The following METTL16 variants were observed in gnomAD, a reference collection of about 807,000 sequenced individuals.
The protein encoded by METTL16 is RNA N(6)-adenosine-methyltransferase METTL16.
A neutral mutation model predicts 57.9 loss-of-function variants in METTL16; 19 were observed. The ratio of observed to expected loss-of-function variants is 0.33; its 90% CI spans 0.23 to 0.48. METTL16 has a LOEUF of 0.48. METTL16 is among the 20% of genes least tolerant of loss of function. The pLI, the probability that METTL16 is intolerant of heterozygous loss-of-function variation, is 0.99. For synonymous variants in METTL16, 246 were observed against 255.6 expected (o/e 0.96, Z 0.36); for missense variants, 434 against 691.5 (o/e 0.63, Z 4.18).
chr17:2,448,801 T>TAAAAAAAAAAAAAAA (rs1567889993), intron 6 of METTL16, among the ~76,000 whole-genome samples: 1 of 47,420 alleles, frequency 2.1e-5, no homozygotes, highest in African/African-American at 1.9e-4. Context: ...AAAATAAAAT[T>TAAAAAAAAAAAAAAA]TAAAAAAAAA....
At chr17:2,451,195 T>C (rs1175515210) in intron 6 of METTL16, among the ~76,000 whole-genome samples, 3 of 152,186 alleles carry the variant, frequency 2.0e-5, no homozygotes, top group African/African-American at 7.2e-5. Context: ...CAATCCTTTT[T>C]CCCTTTGAAA....
intron 6 of METTL16, among the ~76,000 whole-genome samples, chr17:2,444,767 G>A (rs540158895): frequency 7.0e-4 from 104 of 148,104 alleles, no homozygotes; most frequent in African/African-American, 2.4e-3. Context: ...AGGCTGCAGT[G>A]CAGTGGCGTG....
intron 5 of METTL16, among the ~76,000 whole-genome samples, chr17:2,465,371 A>G (rs939502747): frequency 6.6e-5 from 10 of 151,204 alleles, no homozygotes; most frequent in African/African-American, 1.7e-4. Flanking sequence ...GTGAAACCCC[A>G]TCTCTACTAA....
rs2067277624 is a variant in METTL16, at chr17:2,477,667, A to C, written c.328+19T>G. 6.3e-7 allele frequency: 1 copy of C among 1,584,034 alleles called. No individual in the cohort carries two copies. The highest frequency in any genetic ancestry group is 8.7e-7 in the Non-Finnish European group (1 of 1,154,386). ...CTTATGAAAACTGTTTAGCCAAAAA[A>C]GAATTTAAAATGATATACCTATGTC... On this transcript the variant is annotated intron_variant, in intron 3 of 9. Coordinates refer to ENST00000263092, the MANE Select transcript of METTL16 (RefSeq NM_024086.4).
Position 2,426,173 on chromosome 17 carries a change from A to G in METTL16, c.889-5269T>C, listed in dbSNP as rs115121581. ...TGTTTTGGCAAAGCAGCTTCTAGAA[A>G]AACCTCAAGTGGAAAGGGGACAGGG... On this transcript the variant is annotated intron_variant, in intron 8 of 9. Coordinates refer to ENST00000263092, the MANE Select transcript of METTL16 (RefSeq NM_024086.4). 5.5e-3 allele frequency among the ~76,000 whole-genome samples: 843 copies of G among 152,262 alleles called. 10 individuals carry two copies. The highest frequency in any genetic ancestry group is 0.02 in the African/African-American group (814 of 41,562).
rs568917892 is a variant in METTL16 at position 2,461,553 on chromosome 17, C to A, written c.728+2655G>T. Among the ~76,000 whole-genome samples, 5 of 149,470 alleles carry A rather than the reference C, an allele frequency of 3.3e-5. No individual in the cohort carries two copies. In the East Asian group the frequency reaches 9.9e-4, roughly 29 times the overall value. ...AAGACCCTGTTTCTGAGGATGTTTT[C>A]ATTTCTGAGGATGTTCTCCTGTCTT... On this transcript the variant is annotated intron_variant, in intron 6 of 9. Coordinates refer to ENST00000263092, the MANE Select transcript of METTL16 (RefSeq NM_024086.4).
intron 3 of METTL16, among the ~76,000 whole-genome samples, chr17:2,475,083 A>G (rs1413528197): frequency 2.6e-5 from 4 of 152,144 alleles, no homozygotes; most frequent in African/African-American, 7.2e-5. Context: ...CCTTGTAAGG[A>G]TTTGCCAGGA....
rs59854056 is a variant in METTL16 at position 2,417,058 on chromosome 17, C to CTTTTTTTTTTTTTTTTTTTTTTTTTTTT, written c.*2911_*2912insAAAAAAAAAAAAAAAAAAAAAAAAAAAA. On this transcript the variant is annotated 3_prime_UTR_variant, in exon 10 of 10. Transcript: ENST00000263092. ...TGAAAGCTGGCCTGCTCATGGGTTC[C>CTTTTTTTTTTTTTTTTTTTTTTTTTTTT]TTTTTTTTTTTTTTTTTTTTTTTTT... The CTTTTTTTTTTTTTTTTTTTTTTTTTTTT allele has an allele frequency of 1.1e-4, 7 of 61,528 alleles. 3 individuals are homozygous for CTTTTTTTTTTTTTTTTTTTTTTTTTTTT. The East Asian group carries it at 3.1e-3, about 28-fold the overall frequency. 3.8% of individuals were successfully genotyped at this position (61,528 alleles called of 1,614,324 possible).
intron 8 of METTL16, among the ~76,000 whole-genome samples, chr17:2,428,195 T>C (rs1318740182): frequency 1.3e-5 from 2 of 151,920 alleles, no homozygotes; most frequent in Non-Finnish European, 2.9e-5. Flanking sequence ...CCCAGATGAA[T>C]ACCTTTAAAT....
intron 2 of METTL16, among the ~76,000 whole-genome samples, chr17:2,493,868 G>C (rs1391323854): frequency 6.6e-6 from 1 of 152,008 alleles, no homozygotes; most frequent in Non-Finnish European, 1.5e-5. Context: ...TCTACCACAG[G>C]TTCCTGCGAA....
At chr17:2,491,189 C>T (rs2067385665) in intron 2 of METTL16, among the ~76,000 whole-genome samples, 1 of 152,096 alleles carries the variant, frequency 6.6e-6, no homozygotes, top group Admixed American at 6.6e-5. Flanking sequence ...CACAGGGAGG[C>T]CCAGGAACTA....
chr17:2,484,899 G>A (rs529097533), intron 2 of METTL16, among the ~76,000 whole-genome samples: 1 of 152,220 alleles, frequency 6.6e-6, no homozygotes, highest in African/African-American at 2.4e-5. Flanking sequence ...ATATGAAATG[G>A]ATCTGATTCT....
At chr17:2,424,295 A>T (rs934486986) in intron 8 of METTL16, 19 of 150,560 alleles carry the variant, frequency 1.3e-4, no homozygotes, top group African/African-American at 4.6e-4. Flanking sequence ...TTGTATTTTT[A>T]GTAGAGACGG....
rs1024556431 is a variant in METTL16 at position 2,452,536 on chromosome 17, A to G, written c.729-10977T>C. On this transcript the variant is annotated intron_variant, in intron 6 of 9. Coordinates refer to ENST00000263092, the MANE Select transcript of METTL16 (RefSeq NM_024086.4). Reference sequence around the variant, plus strand: ...GAAAAGGAAGATCTAGTCACCCAAGAGACTTTGAATCCATTAAACTATTTT... The same window carrying G: ...GAAAAGGAAGATCTAGTCACCCAAGGGACTTTGAATCCATTAAACTATTTT... Among the ~76,000 whole-genome samples, 8 of 152,246 alleles carry G rather than the reference A, an allele frequency of 5.3e-5. No homozygotes were observed. In the South Asian group the frequency reaches 1.7e-3, roughly 32 times the overall value.
intron 8 of METTL16, among the ~76,000 whole-genome samples, chr17:2,429,449 A>G (rs1191702049): frequency 6.6e-6 from 1 of 151,028 alleles, no homozygotes. Flanking sequence ...CGGCCTCCCA[A>G]AGTGCTGGGA....
At chr17:2,454,042 T>G (rs574451535) in intron 6 of METTL16, among the ~76,000 whole-genome samples, 1 of 152,334 alleles carries the variant, frequency 6.6e-6, no homozygotes, top group East Asian at 1.9e-4. Flanking sequence ...ATTGTCATTA[T>G]TCATCTTGAA....
At chr17:2,464,386 T>C (rs1682957277) in intron 5 of METTL16, 36 bp from the exon 6 acceptor site, 1 of 1,564,522 alleles carries the variant, frequency 6.4e-7, no homozygotes, top group South Asian at 1.2e-5. Flanking sequence ...GAAAAATGTG[T>C]ACACCCCAAG....
At chr17:2,499,981 T>TA (rs1404059444) in intron 2 of METTL16, among the ~76,000 whole-genome samples, 77 of 152,296 alleles carry the variant, frequency 5.1e-4, no homozygotes, top group African/African-American at 1.9e-3. Context: ...CTTGAACTCC[T>TA]AACTTCAGGT....
At position 2,420,271 on chromosome 17, in the gene METTL16, G is replaced by T. The variant is rs199862913; in HGVS notation, c.1388C>A (p.Thr463Lys). 330 of 1,613,556 alleles carry T rather than the reference G, an allele frequency of 2.0e-4. No individual in the cohort carries two copies. Among genetic ancestry groups the T allele is most frequent in the Non-Finnish European group, 2.5e-4 (293 of 1,180,018 alleles). ...SLSQEENPEP[T>K]EDERSEEKGG... ...CTTTTCCTCACTCCTTTCATCCTCC[G>T]TGGGTTCCGGGTTTTCCTCCTGGGA... Residue 463 changes from threonine to lysine, a missense_variant, in exon 10 of 10, where the codon ACG (threonine) becomes AAG (lysine). Physicochemically the swap from Thr to Lys is moderately conservative, Grantham distance 78. This residue lies in a region of METTL16 where 168 missense variants were observed against 149.6 expected (regional missense o/e 1.12). Transcript: ENST00000263092. This position sits in a 1 kb window ranked among gnomAD's most constrained non-coding sequence, Gnocchi z 5.4.
Sources: gnomAD v4.1 joint callset for allele counts (sites outside exome capture counted in the v4.1 genomes callset) on GRCh38, gnomAD v4.1.1 for gene constraint, gnomAD v4.1.1 regional missense constraint, Gnocchi (gnomAD v3.1) non-coding constraint, MANE v1.5 for transcripts, NCBI Gene and HGNC (gene_info 2026-07-23, HGNC 2026-07-21) for gene names.